Variants in ERC2 observed in about 807,000 individuals in gnomAD.
ERC2 encodes ELKS/RAB6-interacting/CAST family member 2, also known as ERC protein 2.
ERC2 carries 42 observed loss-of-function variants against 114.8 expected under a neutral mutation model. That is an observed-to-expected ratio of 0.37 (90% CI 0.29 to 0.47). The LOEUF is 0.47. Ranked by LOEUF, ERC2 falls within the 20% of genes least tolerant of loss-of-function variation. The pLI is 0.99. For missense variants in ERC2, 939 were observed against 1,150.7 expected, an observed-to-expected ratio of 0.82 and a Z score of 2.66; for synonymous variants, 454 against 425.5, an observed-to-expected ratio of 1.07 and a Z score of -0.82.
At chr3:55,963,701 C>A (rs184338647) in intron 12 of ERC2, among the ~76,000 whole-genome samples, 4 of 152,350 alleles carry the variant, frequency 2.6e-5, no homozygotes, top group Admixed American at 2.6e-4. Flanking sequence ...TACGACTCCA[C>A]TGTTAGACAC....
At chr3:55,651,974 T>C (rs2060642577) in intron 17 of ERC2, among the ~76,000 whole-genome samples, 2 of 152,332 alleles carry the variant, frequency 1.3e-5, no homozygotes, top group South Asian at 4.1e-4. Flanking sequence ...TCAGCAAACA[T>C]TTCTGCTGTC....
At chr3:55,520,451 AAT>A (rs2052846328) in intron 17 of ERC2, among the ~76,000 whole-genome samples, 1 of 151,606 alleles carries the variant, frequency 6.6e-6, no homozygotes, top group African/African-American at 2.4e-5. Context: ...AAAAAAAAAA[AAT>A]CTAAGAAGAG....
chr3:55,977,130 C>G (rs1447833345), intron 12 of ERC2, among the ~76,000 whole-genome samples: 1 of 152,170 alleles, frequency 6.6e-6, no homozygotes, highest in Non-Finnish European at 1.5e-5. Context: ...CAGAAGCTCC[C>G]CAGTTTATAT....
At chr3:56,224,332 C>A (rs531102522) in intron 3 of ERC2, among the ~76,000 whole-genome samples, 112 of 152,152 alleles carry the variant, frequency 7.4e-4, no homozygotes, top group African/African-American at 2.5e-3. Context: ...TTATTCAGGG[C>A]ACACACAAAA....
rs77082254 is a variant in ERC2 at position 55,545,090 on chromosome 3, A to G, written c.*40-33814T>C. 1.0e-3 allele frequency among the ~76,000 whole-genome samples: 153 copies of G among 152,250 alleles called. 1 individual carries two copies. Among genetic ancestry groups the G allele is most frequent in the African/African-American group, 3.6e-3 (148 of 41,536 alleles). On this transcript the variant is annotated intron_variant, in intron 17 of 17. Transcript: ENST00000288221. ...CCTGGCTGTATAAGTGCTTTCTCCA[A>G]AAGACTTCTCTCCCATCTCATCAAT...
chr3:56,387,360 T>C (rs1025746720), intron 2 of ERC2, among the ~76,000 whole-genome samples: 2 of 152,180 alleles, frequency 1.3e-5, no homozygotes, highest in Non-Finnish European at 2.9e-5. Flanking sequence ...CTCATCACAT[T>C]GTGGGTGTTC....
chr3:56,229,036 T>G (rs2050435801), intron 3 of ERC2, among the ~76,000 whole-genome samples: 1 of 152,188 alleles, frequency 6.6e-6, no homozygotes, highest in Admixed American at 6.5e-5. Context: ...TTTTACAGAA[T>G]GCTTTTTTCC....
intron 2 of ERC2, among the ~76,000 whole-genome samples, chr3:56,403,819 C>A (rs1197727049): frequency 6.6e-6 from 1 of 152,214 alleles, no homozygotes; most frequent in Non-Finnish European, 1.5e-5. Context: ...CAACCCAATT[C>A]TTCACTGTTC....
At chr3:56,304,471 C>T (rs1336565662) in intron 2 of ERC2, among the ~76,000 whole-genome samples, 1 of 152,110 alleles carries the variant, frequency 6.6e-6, no homozygotes, top group Non-Finnish European at 1.5e-5. Flanking sequence ...GCAAAGAAAG[C>T]CCAGGTGATT....
intron 3 of ERC2, among the ~76,000 whole-genome samples, chr3:56,213,180 G>A (rs1470972372): frequency 1.3e-5 from 2 of 152,162 alleles, no homozygotes; most frequent in South Asian, 2.1e-4. Context: ...AGGACAGTGG[G>A]TGCGGTGCAC....
At chr3:55,709,103 C>G (rs1559530347) in intron 15 of ERC2, among the ~76,000 whole-genome samples, 1 of 152,148 alleles carries the variant, frequency 6.6e-6, no homozygotes, top group Non-Finnish European at 1.5e-5. Context: ...AATGAATGGG[C>G]AAAACAGCCT....
At chr3:55,983,115 C>T (rs1296128190) in intron 12 of ERC2, among the ~76,000 whole-genome samples, 2 of 152,160 alleles carry the variant, frequency 1.3e-5, no homozygotes, top group Non-Finnish European at 2.9e-5. Context: ...CCCTCTTCTC[C>T]AAGAGGGGAC....
intron 14 of ERC2, among the ~76,000 whole-genome samples, chr3:55,866,049 G>A (rs1016506992): frequency 3.3e-5 from 5 of 152,016 alleles, no homozygotes; most frequent in South Asian, 2.1e-4. Context: ...CAAAGTGGCC[G>A]CACCATTTTA....
chr3:56,264,208 G>C (rs896943281), intron 3 of ERC2, among the ~76,000 whole-genome samples: 2 of 152,040 alleles, frequency 1.3e-5, no homozygotes, highest in African/African-American at 4.8e-5. Context: ...TACTCAATGG[G>C]GAAAAACTAA....
intron 4 of ERC2, among the ~76,000 whole-genome samples, chr3:56,157,795 G>C (rs2081819218): frequency 6.6e-6 from 1 of 151,554 alleles, no homozygotes; most frequent in Admixed American, 6.6e-5. Context: ...GCCACCCCAA[G>C]TCACCAATGT....
At chr3:56,400,882 G>A (rs1205195852) in intron 2 of ERC2, among the ~76,000 whole-genome samples, 1 of 152,090 alleles carries the variant, frequency 6.6e-6, no homozygotes, top group African/African-American at 2.4e-5. Flanking sequence ...TTTTAAAAAG[G>A]GATGCCAATG....
At chr3:55,917,242 A>AT (rs2065151576) in intron 13 of ERC2, among the ~76,000 whole-genome samples, 1 of 152,138 alleles carries the variant, frequency 6.6e-6, no homozygotes, top group Admixed American at 6.5e-5. Flanking sequence ...TTCTAACAAG[A>AT]TTTTTGCAAG....
chr3:55,776,652 G>A (rs907502139), intron 14 of ERC2, among the ~76,000 whole-genome samples: 6 of 152,190 alleles, frequency 3.9e-5, no homozygotes, highest in Non-Finnish European at 8.8e-5. Flanking sequence ...GACCTGGGTT[G>A]AAATATTAAC....
At chr3:55,630,967 T>C (rs1483710850) in intron 17 of ERC2, among the ~76,000 whole-genome samples, 2 of 147,250 alleles carry the variant, frequency 1.4e-5, no homozygotes, top group South Asian at 2.2e-4. Flanking sequence ...AAAAAAAAAA[T>C]AGATGGAAAG....
Sources: allele counts gnomAD v4.1 joint callset (sites outside exome capture counted in the v4.1 genomes callset), GRCh38; gene constraint gnomAD v4.1.1; transcripts MANE v1.5; gene names NCBI Gene and HGNC (gene_info 2026-07-23, HGNC 2026-07-21).